The following SH3PXD2B variants were observed in gnomAD, a reference collection of about 807,000 sequenced individuals.
The protein encoded by SH3PXD2B is SH3 and PX domain-containing protein 2B.
In SH3PXD2B, 37 loss-of-function variants were observed where a neutral mutation model predicts 73.1. The observed-to-expected ratio is 0.51, with a 90% CI of 0.39 to 0.67. The LOEUF (loss-of-function observed/expected upper bound fraction) is 0.67, where lower values mean the gene tolerates loss of function less well. Ranked by LOEUF, SH3PXD2B falls within the 30% of genes least tolerant of loss-of-function variation. SH3PXD2B has a pLI of 0.00. For synonymous variants in SH3PXD2B, 457 were observed against 480.5 expected (o/e 0.95, Z 0.64); for missense variants, 1,053 against 1,197.8 (o/e 0.88, Z 1.78).
At chr5:172,390,813 T>TGTG (rs1758167351) in intron 4 of SH3PXD2B, among the ~76,000 whole-genome samples, 2 of 116,764 alleles carry the variant, frequency 1.7e-5, no homozygotes, top group African/African-American at 7.1e-5. Flanking sequence ...GCTTCCCGTC[T>TGTG]TTTGTGTGTG....
At position 172,377,817 on chromosome 5, in the gene SH3PXD2B, TGTG is replaced by T. The variant is rs749479520; in HGVS notation, c.402-4005_402-4003del. The stretch of plus-strand genomic sequence containing the variant: ...GTGCTTTCTTTGGTACAGTCTGGGC[TGTG>T]TTTTGTATTTTCAGTGGATGTTCTA... On this transcript the variant is annotated intron_variant, in intron 5 of 12. Coordinates refer to ENST00000311601, the MANE Select transcript of SH3PXD2B (RefSeq NM_001017995.3). 1.6e-4 allele frequency among the ~76,000 whole-genome samples: 25 copies of T among 152,210 alleles called. 1 individual carries two copies. The highest frequency in any genetic ancestry group is 1.3e-4 in the Admixed American group (2 of 15,286).
chr5:172,428,776 G>A (rs945229890), intron 1 of SH3PXD2B, among the ~76,000 whole-genome samples: 4 of 152,114 alleles, frequency 2.6e-5, no homozygotes, highest in African/African-American at 9.7e-5. Flanking sequence ...CTTGACCTAG[G>A]TTCTAATTTA....
At chr5:172,349,855 T>C (rs1165538308) in intron 10 of SH3PXD2B, among the ~76,000 whole-genome samples, 2 of 151,998 alleles carry the variant, frequency 1.3e-5, no homozygotes, top group Non-Finnish European at 2.9e-5. Flanking sequence ...CTCCCCTTTT[T>C]TTTTCTTTTT....
In SH3PXD2B at chr5:172,333,615, C is replaced by T; in HGVS notation, c.*4754G>A. On this transcript the variant is annotated 3_prime_UTR_variant, in exon 13 of 13. Transcript: ENST00000311601. ...ATGCTACAGCTAGTTGTTCTCACCC[C>T]TCCCCTCACATCCTATATACTCATT... 1.6e-6 allele frequency: 2 copies of T among 1,285,200 alleles called. No homozygotes were observed. Among genetic ancestry groups the T allele is most frequent in the Non-Finnish European group, 2.0e-6 (2 of 987,680 alleles). 79.6% of individuals were successfully genotyped at this position (1,285,200 alleles called of 1,614,324 possible).
chr5:172,376,899 A>G (rs1757834054), intron 5 of SH3PXD2B, among the ~76,000 whole-genome samples: 1 of 152,186 alleles, frequency 6.6e-6, no homozygotes, highest in African/African-American at 2.4e-5. Flanking sequence ...GTCTGGCTGG[A>G]GCCCACTCTC....
At chr5:172,329,079 A>ATTTTTTTTTTTTT (rs1386540665), downstream of SH3PXD2B, among the ~76,000 whole-genome samples, 3 of 64,540 alleles carry the variant, frequency 4.6e-5, no homozygotes, top group African/African-American at 1.3e-4. Flanking sequence ...ATATATATAT[A>ATTTTTTTTTTTTT]TATATTTTTT....
chr5:172,394,463 A>C, intron 4 of SH3PXD2B, 100 bp downstream of exon 4: 1 of 1,260,012 alleles, frequency 7.9e-7, no homozygotes, highest in South Asian at 1.3e-5. Flanking sequence ...ATTCCTTTGA[A>C]TTGCACAAAT....
rs2113245955 is a variant in SH3PXD2B, at chr5:172,337,362, A to G, written c.*1007T>C. The G allele has an allele frequency of 1.0e-6, 1 of 984,908 alleles. No homozygotes were observed. The highest frequency in any genetic ancestry group is 1.7e-5 in the African/African-American group (1 of 57,344). The allele number at this position is 984,908 out of a possible 1,614,324, so 61.0% of individuals were successfully genotyped here. ...CTGAAGTCAGGCAGGCCTGGACTCA[A>G]ATCCTCTTCCCTCTTCCTCCTGGCT... On this transcript the variant is annotated 3_prime_UTR_variant, in exon 13 of 13. Transcript: ENST00000311601.
At chr5:172,397,560 G>C (rs1000224518) in intron 3 of SH3PXD2B, among the ~76,000 whole-genome samples, 5 of 152,282 alleles carry the variant, frequency 3.3e-5, no homozygotes, top group South Asian at 2.1e-4. Flanking sequence ...CGGACACCCA[G>C]CTTTAAAATT....
At chr5:172,444,853 TTCG>T (rs1319724837) in intron 1 of SH3PXD2B, among the ~76,000 whole-genome samples, 1 of 152,122 alleles carries the variant, frequency 6.6e-6, no homozygotes. Context: ...GGCCTCAGCC[TTCG>T]TGTGCTGTAC....
intron 11 of SH3PXD2B, 61 bp from the exon 12 acceptor site, chr5:172,346,322 A>G (rs966750465): frequency 5.0e-6 from 8 of 1,609,670 alleles, no homozygotes; most frequent in Non-Finnish European, 6.8e-6. Context: ...ACCCTGTGTC[A>G]GGGGGAGTCT....
chr5:172,331,865 G>C (rs924493146), downstream of SH3PXD2B, among the ~76,000 whole-genome samples: 1 of 152,216 alleles, frequency 6.6e-6, no homozygotes, highest in Admixed American at 6.5e-5. Flanking sequence ...AGAATCGCTC[G>C]AGCCTGGGAG....
intron 3 of SH3PXD2B, among the ~76,000 whole-genome samples, chr5:172,405,231 ATGTGAGGTAGG>A (rs1758524925): frequency 6.6e-6 from 1 of 152,250 alleles, no homozygotes; most frequent in Admixed American, 6.5e-5. Flanking sequence ...CCTGGTAGCC[ATGTGAGGTAGG>A]TTCATAAACT....
At chr5:172,400,374 T>C (rs538044206) in intron 3 of SH3PXD2B, among the ~76,000 whole-genome samples, 1 of 152,354 alleles carries the variant, frequency 6.6e-6, no homozygotes, top group Admixed American at 6.5e-5. Context: ...CAGAAGGGAA[T>C]GCCTGGAGGC....
chr5:172,350,324 G>A (rs1243457930), intron 10 of SH3PXD2B, 39 bp downstream of exon 10: 1 of 1,599,938 alleles, frequency 6.3e-7, no homozygotes, highest in African/African-American at 1.3e-5. Flanking sequence ...TGGCACACAG[G>A]GGCCCTGATT....
At chr5:172,392,915 C>T (rs1758221727) in intron 4 of SH3PXD2B, among the ~76,000 whole-genome samples, 1 of 152,240 alleles carries the variant, frequency 6.6e-6, no homozygotes, top group Non-Finnish European at 1.5e-5. Context: ...CAATGTTGTT[C>T]CGCTGATCTA....
chr5:172,369,546 G>T (rs935343000), intron 6 of SH3PXD2B, among the ~76,000 whole-genome samples: 5 of 152,102 alleles, frequency 3.3e-5, no homozygotes, highest in African/African-American at 1.2e-4. Context: ...GAGGTGGGCG[G>T]ATCATGAGGT....
At chr5:172,431,916 C>T (rs1432078697) in intron 1 of SH3PXD2B, among the ~76,000 whole-genome samples, 3 of 152,148 alleles carry the variant, frequency 2.0e-5, no homozygotes, top group African/African-American at 7.2e-5. Context: ...CTAGATCACG[C>T]GTGTAGTCCT....
chr5:172,422,408 A>G lies in SH3PXD2B; in HGVS notation c.156+8T>C, dbSNP rs1561934100. ...TCCTGCAGCTCACCAGAGACCTCAAATCCTTACCTGGAGGTCAAAAAACTT... is the reference window on the plus strand; with the variant it reads ...TCCTGCAGCTCACCAGAGACCTCAAGTCCTTACCTGGAGGTCAAAAAACTT... On this transcript the variant is annotated splice_region_variant and intron_variant, in intron 2 of 12. Transcript: ENST00000311601. 1.2e-6 allele frequency: 2 copies of G among 1,604,874 alleles called. No individual in the cohort carries two copies. The highest frequency in any genetic ancestry group is 1.7e-6 in the Non-Finnish European group (2 of 1,176,186).
Sources: allele counts gnomAD v4.1 joint callset (sites outside exome capture counted in the v4.1 genomes callset), GRCh38; gene constraint gnomAD v4.1.1; transcripts MANE v1.5; gene names NCBI Gene and HGNC (gene_info 2026-07-23, HGNC 2026-07-21).